The following SLC44A5 variants were observed in gnomAD, a reference collection of about 807,000 sequenced individuals.
The protein encoded by SLC44A5 is solute carrier family 44 member 5.
SLC44A5 carries 57 observed loss-of-function variants against 101.8 expected under a neutral mutation model. That is an observed-to-expected ratio of 0.56 (90% CI 0.45 to 0.70). SLC44A5 has a LOEUF of 0.70. SLC44A5 is among the 30% of genes least tolerant of loss of function. The pLI is 0.00. For missense variants in SLC44A5, 737 were observed against 853.1 expected (o/e 0.86, Z 1.70); for synonymous variants, 281 against 290.9 (o/e 0.97, Z 0.35).
intron 2 of SLC44A5, among the ~76,000 whole-genome samples, chr1:75,447,925 T>G (rs1415796092): frequency 6.6e-6 from 1 of 152,158 alleles, no homozygotes; most frequent in Non-Finnish European, 1.5e-5. Context: ...CAAAGCTTAA[T>G]TTTGTAAAAA....
intron 1 of SLC44A5, among the ~76,000 whole-genome samples, chr1:75,553,583 C>T (rs1000032004): frequency 2.0e-5 from 3 of 152,022 alleles, no homozygotes; most frequent in Non-Finnish European, 4.4e-5. Flanking sequence ...AGGTCCAGAG[C>T]TAGGGAATGG....
At chr1:75,338,134 A>G (rs2175618) in intron 4 of SLC44A5, among the ~76,000 whole-genome samples, 150,940 of 152,320 alleles carry the variant, frequency 0.99, 74,805 homozygotes, top group Middle Eastern at 1. Flanking sequence ...GATTGAAGGC[A>G]GAGGAAGGTC....
chr1:75,641,503 A>T, the SLC44A5 span: 3 of 1,463,334 alleles, frequency 2.1e-6, no homozygotes, highest in Non-Finnish European at 2.9e-6. Flanking sequence ...AAATGTAAAC[A>T]TTGTGATCTT....
intron 3 of SLC44A5, among the ~76,000 whole-genome samples, chr1:75,358,309 C>T (rs1484348559): frequency 1.3e-5 from 2 of 152,106 alleles, no homozygotes; most frequent in African/African-American, 4.8e-5. Flanking sequence ...GATAAGTGTG[C>T]ATGCCATATT....
intron 7 of SLC44A5, among the ~76,000 whole-genome samples, chr1:75,244,678 C>T (rs1220264705): frequency 6.6e-6 from 1 of 152,052 alleles, no homozygotes; most frequent in Non-Finnish European, 1.5e-5. Flanking sequence ...GGGGGCCTAT[C>T]AGTGCCAAGC....
intron 5 of SLC44A5, among the ~76,000 whole-genome samples, chr1:75,285,018 G>C (rs189433636): frequency 1.3e-5 from 2 of 152,010 alleles, no homozygotes; most frequent in African/African-American, 4.8e-5. Context: ...GGTGATACTG[G>C]CTTCATAAAA....
intron 2 of SLC44A5, among the ~76,000 whole-genome samples, chr1:75,397,659 G>A (rs1662211333): frequency 6.6e-6 from 1 of 152,026 alleles, no homozygotes; most frequent in Non-Finnish European, 1.5e-5. Flanking sequence ...ACAATAATCG[G>A]TTCACTTCTA....
the SLC44A5 span, among the ~76,000 whole-genome samples, chr1:75,645,816 G>A: frequency 2.7e-4 from 37 of 136,362 alleles, 3 homozygotes; most frequent in Middle Eastern, 3.7e-3. Context: ...TGTATAAGGT[G>A]TAAGGAAGGA....
rs34371845 is a variant in SLC44A5, at chr1:75,463,419, C to CAAAAAAAAAAAA, written c.14-66810_14-66799dup. On this transcript the variant is annotated intron_variant, in intron 2 of 23. Transcript: ENST00000370859. ...TGGGCTAAAGAGCGGGACTCTGTCT[C>CAAAAAAAAAAAA]AAAAAAAAAAAAAAAAAAAAAAAGA... Among the ~76,000 whole-genome samples the CAAAAAAAAAAAA allele has an allele frequency of 2.9e-5, 2 of 70,016 alleles. 1 individual carries two copies. The highest frequency in any genetic ancestry group is 1.2e-4 in the African/African-American group (2 of 16,986). 45.9% of individuals were successfully genotyped at this position (70,016 alleles called of 152,430 possible).
At chr1:75,576,529 A>G (rs1444899923) in intron 1 of SLC44A5, among the ~76,000 whole-genome samples, 1 of 152,046 alleles carries the variant, frequency 6.6e-6, no homozygotes, top group Non-Finnish European at 1.5e-5. Context: ...CGTGTTAGCC[A>G]GGATGGTCTC....
chr1:75,712,697 GA>G, the SLC44A5 span, among the ~76,000 whole-genome samples: 68 of 22,138 alleles, frequency 3.1e-3, no homozygotes, highest in East Asian at 0.036. Flanking sequence ...AAGCATTTGA[GA>G]AAAAAAAAAA....
the SLC44A5 span, among the ~76,000 whole-genome samples, chr1:75,697,804 G>A: frequency 1.5e-4 from 23 of 152,316 alleles, no homozygotes; most frequent in East Asian, 3.9e-4. Flanking sequence ...TGCACCGTGC[G>A]TGAGCTGAAG....
At chr1:75,390,695 C>G (rs937089790) in intron 3 of SLC44A5, among the ~76,000 whole-genome samples, 15 of 152,032 alleles carry the variant, frequency 9.9e-5, no homozygotes, top group African/African-American at 3.6e-4. Flanking sequence ...AAGCATACCT[C>G]AAAATAATGA....
chr1:75,275,447 T>C (rs1008130917), intron 5 of SLC44A5, among the ~76,000 whole-genome samples: 16 of 152,192 alleles, frequency 1.1e-4, no homozygotes, highest in South Asian at 4.1e-4. Context: ...TTTTGGGTTA[T>C]GCATAGGTGA....
rs533994406 is a variant in SLC44A5, at chr1:75,203,434, G to T, written c.*293C>A. 112 of 216,822 alleles carry T rather than the reference G, an allele frequency of 5.2e-4. No homozygotes were observed. Among genetic ancestry groups the T allele is most frequent in the African/African-American group, 2.4e-3 (108 of 44,084 alleles). The allele number at this position is 216,822 out of a possible 1,614,324, so 13.4% of individuals were successfully genotyped here. The stretch of plus-strand genomic sequence containing the variant: ...TCATTTTTCAATCTAAGATTTAAAA[G>T]AATATTAACATATTCAGTAGTATTT... On this transcript the variant is annotated 3_prime_UTR_variant, in exon 24 of 24. Transcript: ENST00000370859.
rs1646691312 is a variant in SLC44A5, at chr1:75,203,168, G to A, written c.*559C>T. The A allele has an allele frequency of 6.6e-6, 1 of 152,194 alleles. No homozygotes were observed. The highest frequency in any genetic ancestry group is 1.5e-5 in the Non-Finnish European group (1 of 68,032). 9.4% of individuals were successfully genotyped at this position (152,194 alleles called of 1,614,324 possible). A position where few individuals can be genotyped will look rare whatever the true frequency, so the allele number is the denominator to read the frequency against. ...TATTAAATAGCCAGTAAGGCACTTTGTCAGAGGGCTAAGTAGTAAAGGCTG... is the reference window on the plus strand; with the variant it reads ...TATTAAATAGCCAGTAAGGCACTTTATCAGAGGGCTAAGTAGTAAAGGCTG... On this transcript the variant is annotated 3_prime_UTR_variant, in exon 24 of 24. Coordinates refer to ENST00000370859, the MANE Select transcript of SLC44A5 (RefSeq NM_001130058.2).
At chr1:75,442,172 G>A (rs1469080180) in intron 2 of SLC44A5, among the ~76,000 whole-genome samples, 1 of 152,018 alleles carries the variant, frequency 6.6e-6, no homozygotes, top group Non-Finnish European at 1.5e-5. Flanking sequence ...GTGCCCATGT[G>A]TTTAACCCAT....
chr1:75,413,911 G>A (rs536204647), intron 2 of SLC44A5, among the ~76,000 whole-genome samples: 8 of 152,282 alleles, frequency 5.3e-5, no homozygotes, highest in African/African-American at 1.9e-4. Flanking sequence ...TCCACCACAT[G>A]TGGCCAGTCT....
intron 1 of SLC44A5, among the ~76,000 whole-genome samples, chr1:75,598,634 T>A (rs1335575874): frequency 6.9e-6 from 1 of 145,920 alleles, no homozygotes; most frequent in African/African-American, 2.5e-5. Flanking sequence ...GGGACATGAA[T>A]GGAGCTGGAG....
Sources: gnomAD v4.1 joint callset for allele counts (sites outside exome capture counted in the v4.1 genomes callset) on GRCh38, gnomAD v4.1.1 for gene constraint, MANE v1.5 for transcripts, NCBI Gene and HGNC (gene_info 2026-07-23, HGNC 2026-07-21) for gene names.